Variants in PSD3 observed in about 807,000 individuals in gnomAD.
PSD3 encodes pleckstrin and Sec7 domain containing 3.
In PSD3, 49 loss-of-function variants were observed where a neutral mutation model predicts 105.5. The ratio of observed to expected loss-of-function variants is 0.46; its 90% confidence interval spans 0.37 to 0.59. PSD3 has a LOEUF of 0.59. PSD3 is among the 20% of genes least tolerant of loss of function. PSD3 has a pLI of 0.00. For missense variants in PSD3, 1,561 were observed against 1,263.8 expected (o/e 1.24, Z -3.57); for synonymous variants, 557 against 457.8 (o/e 1.22, Z -2.77).
chr8:18,823,934 C>T (rs558813814), intron 4 of PSD3, among the ~76,000 whole-genome samples: 3 of 152,230 alleles, frequency 2.0e-5, no homozygotes, highest in African/African-American at 7.2e-5. Context: ...AATCCCTGCA[C>T]TTTGGGTGGC....
chr8:19,033,432 TTCTC>T (rs1301919690), intron 1 of PSD3, among the ~76,000 whole-genome samples: 3 of 152,204 alleles, frequency 2.0e-5, no homozygotes, highest in Non-Finnish European at 2.9e-5. Context: ...TTACTTTTGA[TTCTC>T]TCTAAGAATA....
intron 1 of PSD3, among the ~76,000 whole-genome samples, chr8:18,961,036 CG>C (rs1823879664): frequency 6.6e-6 from 1 of 151,958 alleles, no homozygotes; most frequent in Non-Finnish European, 1.5e-5. Flanking sequence ...TGCAGTGAGC[CG>C]TGAGTAACAG....
At position 18,564,488 on chromosome 8, in the gene PSD3, G is replaced by C. The variant is rs547993995; in HGVS notation, c.2784+8040C>G. On this transcript the variant is annotated intron_variant, in intron 14 of 15. Coordinates refer to ENST00000327040, the MANE Select transcript of PSD3 (RefSeq NM_015310.4). ...TACTAAAAATAAACACATTAGCTGG[G>C]CATGGTGGTGCACACCTGTAATCCC... Among the ~76,000 whole-genome samples, 3 of 152,234 alleles carry C rather than the reference G, an allele frequency of 2.0e-5. No homozygotes were observed. The East Asian group carries it at 5.8e-4, about 29-fold the overall frequency.
At chr8:18,600,323 T>C (rs1487872172) in intron 12 of PSD3, 41 bp downstream of exon 12, 1 of 1,523,774 alleles carries the variant, frequency 6.6e-7, no homozygotes, top group African/African-American at 1.4e-5. Flanking sequence ...ATGTAATTAT[T>C]TCATCGAGTT....
At chr8:18,832,683 G>A (rs759228085) in intron 4 of PSD3, among the ~76,000 whole-genome samples, 4 of 152,184 alleles carry the variant, frequency 2.6e-5, no homozygotes, top group African/African-American at 7.2e-5. Flanking sequence ...AAGGAAAGCC[G>A]TTTAGTGGGC....
In PSD3 at chr8:18,963,654, GAGAAAATAAGAAATGGGGGGA is replaced by G. The variant is rs1254971211; in HGVS notation, c.22-27533_22-27513del. 2.0e-5 allele frequency among the ~76,000 whole-genome samples: 3 copies of G among 152,126 alleles called. No homozygotes were observed. In the East Asian group the frequency reaches 5.8e-4, roughly 29 times the overall value. ...ATTTCTGCTATACAACGCTAGCTGG[GAGAAAATAAGAAATGGGGGGA>G]GAGAATGAATGGCCAACAGCAATGT... On this transcript the variant is annotated intron_variant, in intron 1 of 15. Transcript: ENST00000327040.
chr8:19,023,525 G>A (rs1382225348), intron 1 of PSD3, among the ~76,000 whole-genome samples: 1 of 151,882 alleles, frequency 6.6e-6, no homozygotes, highest in African/African-American at 2.4e-5. Flanking sequence ...ACCTCCTGTG[G>A]ACTCAAGCAA....
At chr8:18,779,128 A>G (rs1371511781) in intron 8 of PSD3, among the ~76,000 whole-genome samples, 1 of 152,112 alleles carries the variant, frequency 6.6e-6, no homozygotes, top group Non-Finnish European at 1.5e-5. Context: ...AATCAGTTTC[A>G]TTACTCATTA....
intron 1 of PSD3, among the ~76,000 whole-genome samples, chr8:18,969,276 T>G (rs1160734049): frequency 1.3e-5 from 2 of 152,218 alleles, no homozygotes; most frequent in African/African-American, 4.8e-5. Flanking sequence ...AAATATTCGT[T>G]GACAAAGTGT....
chr8:19,003,407 G>A (rs778738275), intron 1 of PSD3, among the ~76,000 whole-genome samples: 15 of 151,872 alleles, frequency 9.9e-5, no homozygotes, highest in Non-Finnish European at 1.6e-4. Context: ...AAGAGGTCAG[G>A]TAAGTGAGTC....
At chr8:18,801,529 T>C in intron 6 of PSD3, 147 bp from the exon 7 acceptor site, 2 of 563,640 alleles carry the variant, frequency 3.5e-6, no homozygotes, top group East Asian at 3.1e-5. Flanking sequence ...AAAAATCATT[T>C]ACTAGACAGC....
At chr8:19,040,918 G>C (rs1000149721) in intron 1 of PSD3, among the ~76,000 whole-genome samples, 6 of 151,910 alleles carry the variant, frequency 3.9e-5, no homozygotes, top group Non-Finnish European at 8.8e-5. Flanking sequence ...TTTGAGACAG[G>C]GTCTCACTCT....
chr8:18,934,183 T>G (rs1004252735), intron 2 of PSD3, among the ~76,000 whole-genome samples: 3 of 152,214 alleles, frequency 2.0e-5, no homozygotes, highest in African/African-American at 7.2e-5. Flanking sequence ...AAATGTGTAG[T>G]TCATACCTGG....
intron 1 of PSD3, among the ~76,000 whole-genome samples, chr8:18,991,466 A>T (rs543647678): frequency 4.6e-5 from 7 of 151,946 alleles, no homozygotes; most frequent in Non-Finnish European, 1.0e-4. Context: ...GGCTAGGGTC[A>T]ACTGTGACCT....
intron 10 of PSD3, among the ~76,000 whole-genome samples, chr8:18,653,840 AAAG>A (rs1221208751): frequency 1.3e-5 from 2 of 152,152 alleles, no homozygotes; most frequent in Non-Finnish European, 2.9e-5. Context: ...TAACTTCATA[AAAG>A]AATCTTCAAT....
intron 15 of PSD3, among the ~76,000 whole-genome samples, chr8:18,536,363 A>C (rs542787955): frequency 3.6e-4 from 55 of 152,264 alleles, no homozygotes; most frequent in African/African-American, 1.1e-3. Flanking sequence ...CAGGTAGTCC[A>C]GGCCTCACAA....
intron 9 of PSD3, among the ~76,000 whole-genome samples, chr8:18,696,619 T>C (rs960552244): frequency 6.6e-6 from 1 of 152,154 alleles, no homozygotes; most frequent in Non-Finnish European, 1.5e-5. Flanking sequence ...ATTACAAAGG[T>C]CTTAGTACAT....
chr8:19,073,424 C>T (rs1048166636), intron 1 of PSD3, among the ~76,000 whole-genome samples: 1 of 151,752 alleles, frequency 6.6e-6, no homozygotes, highest in Non-Finnish European at 1.5e-5. Flanking sequence ...GGTGGCACAC[C>T]CATGTAATCC....
chr8:18,770,884 G>C (rs577371822), intron 8 of PSD3, among the ~76,000 whole-genome samples: 1 of 152,324 alleles, frequency 6.6e-6, no homozygotes, highest in African/African-American at 2.4e-5. Context: ...CAGGAGAAAA[G>C]AGGTTGCACA....
Sources: gnomAD v4.1 joint callset for allele counts (sites outside exome capture counted in the v4.1 genomes callset) on GRCh38, gnomAD v4.1.1 for gene constraint, MANE v1.5 for transcripts, NCBI Gene and HGNC (gene_info 2026-07-23, HGNC 2026-07-21) for gene names.